Variants in GRB10 observed in about 807,000 individuals in gnomAD.
The protein encoded by GRB10 is growth factor receptor bound protein 10, also known as growth factor receptor-bound protein 10.
GRB10 carries 20 observed loss-of-function variants against 80.9 expected under a neutral mutation model. The ratio of observed to expected loss-of-function variants is 0.25; its 90% CI spans 0.17 to 0.36. The LOEUF is 0.36. GRB10 is among the 10% of genes least tolerant of loss of function. GRB10 has a pLI of 1.00. For missense variants in GRB10, 548 were observed against 747.7 expected (o/e 0.73, Z 3.12); for synonymous variants, 291 against 291.5 (o/e 1.00, Z 0.02).
intron 3 of GRB10, among the ~76,000 whole-genome samples, chr7:50,744,793 G>A (rs2072585597): frequency 6.6e-6 from 1 of 152,158 alleles, no homozygotes; most frequent in Admixed American, 6.5e-5. Flanking sequence ...CAACATTTGA[G>A]CTCACAGCAA....
At chr7:50,736,779 C>CA (rs1176882971) in intron 3 of GRB10, among the ~76,000 whole-genome samples, 2 of 151,848 alleles carry the variant, frequency 1.3e-5, no homozygotes, top group African/African-American at 2.4e-5. Context: ...GAGACTGTTT[C>CA]AAAAAAATAA....
At chr7:50,701,160 C>T (rs1292456278) in intron 5 of GRB10, among the ~76,000 whole-genome samples, 1 of 152,158 alleles carries the variant, frequency 6.6e-6, no homozygotes, top group Non-Finnish European at 1.5e-5. Flanking sequence ...ATTATATGCA[C>T]ATTCTTTTAG....
intron 7 of GRB10, among the ~76,000 whole-genome samples, chr7:50,656,516 C>T (rs2153624221): frequency 6.6e-6 from 1 of 152,346 alleles, no homozygotes; most frequent in Middle Eastern, 3.4e-3. Flanking sequence ...GCCACACAGG[C>T]CTGACTTGTC....
chr7:50,768,976 G>C (rs978731710), intron 2 of GRB10, among the ~76,000 whole-genome samples: 1 of 152,202 alleles, frequency 6.6e-6, no homozygotes, highest in Non-Finnish European at 1.5e-5. Flanking sequence ...CATTCACTGG[G>C]CTGATGAACA....
intron 7 of GRB10, among the ~76,000 whole-genome samples, chr7:50,651,847 CTT>C (rs2058036334): frequency 6.6e-6 from 1 of 152,250 alleles, no homozygotes; most frequent in African/African-American, 2.4e-5. Flanking sequence ...CAAAGCCACT[CTT>C]TTGAAGAAGG....
chr7:50,628,618 T>A (rs1047578844), intron 7 of GRB10, among the ~76,000 whole-genome samples: 5 of 152,052 alleles, frequency 3.3e-5, no homozygotes, highest in African/African-American at 1.2e-4. Flanking sequence ...AGAGCCCTTC[T>A]CTGTGAGGGC....
rs538976210 is a variant in GRB10, at chr7:50,606,714, A to G, written c.1195-300T>C. ...AACAGTTAATTAACATATATTTCGT[A>G]TATGTATTCTACACCATATTTTTAT... On this transcript the variant is annotated intron_variant, in intron 13 of 18. Transcript: ENST00000401949. 6.6e-5 allele frequency: 26 copies of G among 393,312 alleles called. No homozygotes were observed. In the Admixed American group the frequency reaches 8.9e-4, roughly 14 times the overall value. 24.4% of individuals were successfully genotyped at this position (393,312 alleles called of 1,614,324 possible).
chr7:50,747,236 G>C (rs1051593066), intron 3 of GRB10, among the ~76,000 whole-genome samples: 5 of 152,146 alleles, frequency 3.3e-5, no homozygotes, highest in African/African-American at 1.2e-4. Flanking sequence ...ACCTATCCCT[G>C]AGCCATGAGC....
intron 3 of GRB10, among the ~76,000 whole-genome samples, chr7:50,742,146 C>T (rs1191325206): frequency 6.6e-6 from 1 of 152,096 alleles, no homozygotes; most frequent in Non-Finnish European, 1.5e-5. Context: ...ATGGAAGAAC[C>T]AATCAATGAC....
intron 17 of GRB10, among the ~76,000 whole-genome samples, chr7:50,602,183 T>A (rs2047725140): frequency 6.6e-6 from 1 of 152,180 alleles, no homozygotes; most frequent in South Asian, 2.1e-4. Context: ...AGGAAATATC[T>A]AATGCAAGAA....
chr7:50,651,254 C>T (rs945049211), intron 7 of GRB10, among the ~76,000 whole-genome samples: 9 of 152,164 alleles, frequency 5.9e-5, no homozygotes, highest in East Asian at 1.9e-4. Flanking sequence ...CTCACAGTTT[C>T]GCAGAACAGA....
intron 5 of GRB10, among the ~76,000 whole-genome samples, chr7:50,681,856 G>C (rs534600252): frequency 6.6e-6 from 1 of 152,332 alleles, no homozygotes; most frequent in African/African-American, 2.4e-5. Context: ...TAGCCTTCCT[G>C]CTTCTGCGCC....
chr7:50,756,933 G>A (rs2075166003), intron 2 of GRB10, among the ~76,000 whole-genome samples: 2 of 152,176 alleles, frequency 1.3e-5, no homozygotes, highest in South Asian at 2.1e-4. Context: ...GCCTCCTATC[G>A]CTGTTGGGCT....
At chr7:50,630,159 C>G (rs1047242845) in intron 7 of GRB10, among the ~76,000 whole-genome samples, 1 of 152,188 alleles carries the variant, frequency 6.6e-6, no homozygotes, top group African/African-American at 2.4e-5. Context: ...GGGAACTGCT[C>G]TGAGAATCAG....
chr7:50,682,787 C>A (rs2061688668), intron 5 of GRB10, among the ~76,000 whole-genome samples: 1 of 152,140 alleles, frequency 6.6e-6, no homozygotes, highest in Admixed American at 6.5e-5. Context: ...TAACTGTCAG[C>A]ATATATTTTC....
chr7:50,604,215 G>A (rs2048110973), intron 16 of GRB10, 96 bp downstream of exon 16: 1 of 1,300,494 alleles, frequency 7.7e-7, no homozygotes, highest in Non-Finnish European at 1.1e-6. Context: ...GGTGCACTCT[G>A]GCCACAGGCA....
At chr7:50,769,062 A>C (rs2076691883) in intron 2 of GRB10, among the ~76,000 whole-genome samples, 1 of 152,128 alleles carries the variant, frequency 6.6e-6, no homozygotes, top group African/African-American at 2.4e-5. Context: ...ACTCAGGGGA[A>C]TCCATCTTAA....
At chr7:50,596,587 C>T (rs912739191) in intron 17 of GRB10, among the ~76,000 whole-genome samples, 3 of 152,216 alleles carry the variant, frequency 2.0e-5, no homozygotes, top group African/African-American at 7.2e-5. Flanking sequence ...CAATGAACTG[C>T]GTCGTCAATG....
intron 3 of GRB10, among the ~76,000 whole-genome samples, chr7:50,738,216 A>G (rs1382372001): frequency 1.3e-5 from 2 of 152,228 alleles, no homozygotes; most frequent in Non-Finnish European, 2.9e-5. Context: ...TGATTCCTCA[A>G]AAATATTAAA....
Sources: allele counts gnomAD v4.1 joint callset (sites outside exome capture counted in the v4.1 genomes callset), GRCh38; gene constraint gnomAD v4.1.1; transcripts MANE v1.5; gene names NCBI Gene and HGNC (gene_info 2026-07-23, HGNC 2026-07-21).